CCSER1: variants seen among roughly 807,000 people sequenced by gnomAD.
CCSER1 encodes the protein coiled-coil serine rich protein 1, also known as serine-rich coiled-coil domain-containing protein 1.
Under a neutral mutation model 82.0 loss-of-function variants are expected in CCSER1, and 41 were observed. The observed-to-expected ratio is 0.50, with a 90% CI of 0.39 to 0.65. CCSER1 has a LOEUF of 0.65. CCSER1 is among the 30% of genes least tolerant of loss of function. The pLI is 0.00. For synonymous variants in CCSER1, 414 were observed against 383.9 expected (o/e 1.08, Z -0.92); for missense variants, 1,119 against 1,064.2 (o/e 1.05, Z -0.72).
At chr4:90,728,707 T>C (rs1335579607) in intron 7 of CCSER1, among the ~76,000 whole-genome samples, 2 of 152,106 alleles carry the variant, frequency 1.3e-5, no homozygotes, top group Admixed American at 6.5e-5. Context: ...GAAATACTGG[T>C]ATGTTAAGCA....
chr4:91,166,024 G>A (rs1163932182), intron 10 of CCSER1, among the ~76,000 whole-genome samples: 1 of 152,196 alleles, frequency 6.6e-6, no homozygotes, highest in Non-Finnish European at 1.5e-5. Context: ...ATCACGCTGG[G>A]ATCTGTAGAT....
At chr4:90,422,167 T>G (rs891985876) in intron 4 of CCSER1, among the ~76,000 whole-genome samples, 1 of 152,160 alleles carries the variant, frequency 6.6e-6, no homozygotes, top group African/African-American at 2.4e-5. Context: ...GCAGCAGATG[T>G]GCAAAGTCAT....
chr4:91,080,435 A>T (rs1454862763), intron 9 of CCSER1, among the ~76,000 whole-genome samples: 8 of 152,156 alleles, frequency 5.3e-5, no homozygotes, highest in Non-Finnish European at 7.4e-5. Context: ...GAGGTAAATT[A>T]ATAGCACTAA....
chr4:90,556,961 T>C (rs1235617537), intron 5 of CCSER1, among the ~76,000 whole-genome samples: 6 of 151,852 alleles, frequency 4.0e-5, no homozygotes, highest in African/African-American at 1.4e-4. Flanking sequence ...TAAAAATAGA[T>C]ACAGGTACCA....
At position 91,398,783 on chromosome 4, in the gene CCSER1, A is replaced by G. The variant is rs542979502; in HGVS notation, c.2218-199789A>G. ...CATCAAGCCTATTTTACTACCAAGG[A>G]AAAAAAAAAAGTCAGCTGATCTAAA... On this transcript the variant is annotated intron_variant, in intron 10 of 10. Transcript: ENST00000509176. Among the ~76,000 whole-genome samples the G allele has an allele frequency of 6.1e-4, 90 of 146,456 alleles. 1 individual carries two copies. Among genetic ancestry groups the G allele is most frequent in the South Asian group, 3.0e-3 (14 of 4,670 alleles).
chr4:91,227,866 A>G (rs1738328462), intron 10 of CCSER1, among the ~76,000 whole-genome samples: 1 of 152,070 alleles, frequency 6.6e-6, no homozygotes, highest in South Asian at 2.1e-4. Context: ...GAGAAAAAAT[A>G]TCTCAATTGC....
intron 10 of CCSER1, among the ~76,000 whole-genome samples, chr4:91,202,812 C>CTCATATATATGTGTGCATATATATGTG (rs1553911607): frequency 7.3e-5 from 11 of 150,960 alleles, no homozygotes; most frequent in African/African-American, 9.7e-5. Context: ...GATATACACA[C>CTCATATATATGTGTGCATATATATGTG]TGTCTTTTTA....
intron 3 of CCSER1, among the ~76,000 whole-genome samples, chr4:90,319,822 G>T (rs1203282812): frequency 1.3e-5 from 2 of 152,016 alleles, no homozygotes; most frequent in Non-Finnish European, 2.9e-5. Flanking sequence ...AATATTGCTT[G>T]GTTACAGGGA....
intron 1 of CCSER1, chr4:90,234,953 A>G (rs919579): frequency 0.61 from 92,464 of 151,576 alleles, 29,502 homozygotes; most frequent in East Asian, 0.83. Flanking sequence ...GCTCTCAGTC[A>G]CTGGGAGACG....
chr4:91,578,955 C>T (rs974870697), intron 10 of CCSER1, among the ~76,000 whole-genome samples: 21 of 151,866 alleles, frequency 1.4e-4, no homozygotes, highest in Non-Finnish European at 8.8e-5. Flanking sequence ...GAATAATACA[C>T]ATCAGAGAAA....
chr4:91,150,048 G>T (rs1037210727), intron 10 of CCSER1, among the ~76,000 whole-genome samples: 1 of 152,228 alleles, frequency 6.6e-6, no homozygotes, highest in African/African-American at 2.4e-5. Context: ...GGATGGCATT[G>T]AATCTATAAA....
At chr4:90,625,293 G>A (rs2148899090) in intron 5 of CCSER1, among the ~76,000 whole-genome samples, 1 of 152,178 alleles carries the variant, frequency 6.6e-6, no homozygotes, top group East Asian at 1.9e-4. Flanking sequence ...AATTTACCCA[G>A]AGACACTTGG....
intron 1 of CCSER1, among the ~76,000 whole-genome samples, chr4:90,155,188 A>C (rs1045294764): frequency 1.3e-5 from 2 of 152,072 alleles, no homozygotes; most frequent in Non-Finnish European, 2.9e-5. Context: ...ACATTTATTG[A>C]TTTGCGTATA....
intron 1 of CCSER1, among the ~76,000 whole-genome samples, chr4:90,192,596 G>A (rs1265258356): frequency 2.0e-5 from 3 of 152,012 alleles, no homozygotes; most frequent in Non-Finnish European, 4.4e-5. Flanking sequence ...ATGACAAATA[G>A]GGATAATAGT....
chr4:91,225,837 A>T (rs1738154190), intron 10 of CCSER1, among the ~76,000 whole-genome samples: 1 of 151,942 alleles, frequency 6.6e-6, no homozygotes, highest in South Asian at 2.1e-4. Context: ...AAAAGGGGTT[A>T]GAATGGGTTA....
intron 10 of CCSER1, among the ~76,000 whole-genome samples, chr4:91,248,787 AATT>A (rs200092963): frequency 3.5e-5 from 5 of 141,706 alleles, no homozygotes; most frequent in African/African-American, 1.4e-4. Context: ...TATCAATATT[AATT>A]ATTATTACAA....
intron 6 of CCSER1, chr4:90,641,939 G>A (rs1029182143): frequency 8.8e-6 from 3 of 341,438 alleles, no homozygotes; most frequent in African/African-American, 6.2e-5. Context: ...CTAACTTTCA[G>A]TTTTCTTCAT....
At chr4:90,572,396 TA>T (rs1780213648) in intron 5 of CCSER1, among the ~76,000 whole-genome samples, 2 of 152,308 alleles carry the variant, frequency 1.3e-5, no homozygotes, top group South Asian at 4.1e-4. Context: ...GTTTGGAAAT[TA>T]CCTACTACTA....
intron 10 of CCSER1, among the ~76,000 whole-genome samples, chr4:91,181,349 T>A (rs1734016457): frequency 6.6e-6 from 1 of 152,156 alleles, no homozygotes; most frequent in African/African-American, 2.4e-5. Context: ...AACTTCCAGG[T>A]GTTTTTATCT....
Sources: allele counts gnomAD v4.1 joint callset (sites outside exome capture counted in the v4.1 genomes callset), GRCh38; gene constraint gnomAD v4.1.1; transcripts MANE v1.5; gene names NCBI Gene and HGNC (gene_info 2026-07-23, HGNC 2026-07-21).